Variants in ARHGEF10 observed in about 807,000 individuals in gnomAD.
ARHGEF10 encodes the protein Rho guanine nucleotide exchange factor 10, also known as Rho guanine nucleotide exchange factor (GEF) 10.
A neutral mutation model predicts 147.4 loss-of-function variants in ARHGEF10; 140 were observed. The ratio of observed to expected loss-of-function variants is 0.95; its 90% CI spans 0.83 to 1.09. The LOEUF (loss-of-function observed/expected upper bound fraction) is 1.09. ARHGEF10 is among the 50% of genes least tolerant of loss of function. ARHGEF10 has a pLI of 0.00. For missense variants in ARHGEF10, 2,222 were observed against 1,752.7 expected, an observed-to-expected ratio of 1.27 and a Z score of -4.78; for synonymous variants, 902 against 695.8, an observed-to-expected ratio of 1.30 and a Z score of -4.67.
chr8:1,862,330 C>A (rs1233717836), intron 4 of ARHGEF10, among the ~76,000 whole-genome samples: 1 of 152,274 alleles, frequency 6.6e-6, no homozygotes, highest in Non-Finnish European at 1.5e-5. Context: ...CCTGGAGCTC[C>A]CAGCTGGCCA....
At chr8:1,944,411 G>A (rs996808357) in intron 26 of ARHGEF10, among the ~76,000 whole-genome samples, 1 of 152,228 alleles carries the variant, frequency 6.6e-6, no homozygotes, top group Non-Finnish European at 1.5e-5. Flanking sequence ...CATGGGAGAA[G>A]GGATCTCCCA....
At position 1,929,506 on chromosome 8, in the gene ARHGEF10, G is replaced by A. The variant is rs143524918; in HGVS notation, c.3079+63G>A. 2,322 of 1,526,358 alleles carry A rather than the reference G, an allele frequency of 1.5e-3. 3 individuals are homozygous for A. Among genetic ancestry groups the A allele is most frequent in the Non-Finnish European group, 1.9e-3 (2,147 of 1,138,830 alleles). 94.6% of individuals were successfully genotyped at this position (1,526,358 alleles called of 1,614,324 possible). A position where few individuals can be genotyped will look rare whatever the true frequency, so the allele number is the denominator to read the frequency against. ...GGTTCACTCAGGGGACTGTGCATCC[G>A]GTTTAGCCTCCCCACCTCCCCACCG... On this transcript the variant is annotated intron_variant, in intron 25 of 28. Coordinates refer to ENST00000349830, the MANE Select transcript of ARHGEF10 (RefSeq NM_014629.4).
rs756054028 is a variant in ARHGEF10, at chr8:1,956,864, C to G, written c.3636C>G (p.Pro1212=). The change falls in exon 29 of 29, where the codon CCC becomes CCG. Residue 1212 remains proline, a synonymous_variant. Coordinates refer to ENST00000349830, the MANE Select transcript of ARHGEF10 (RefSeq NM_014629.4). The part of the protein sequence containing the change: ...DKSRDSLAPG[P]EPQDEDQKDA... ...CCAGGGACAGCCTGGCTCCTGGCCC[C>G]GAGCCTCAGGACGAAGACCAGAAGG... 2 of 1,614,002 alleles carry G rather than the reference C, an allele frequency of 1.2e-6. No individual in the cohort carries two copies. Among genetic ancestry groups the G allele is most frequent in the East Asian group, 4.5e-5 (2 of 44,870 alleles).
chr8:1,892,158 A>T (rs1031424445), intron 11 of ARHGEF10, among the ~76,000 whole-genome samples: 2 of 151,764 alleles, frequency 1.3e-5, no homozygotes, highest in African/African-American at 4.8e-5. Flanking sequence ...GGGTTTGATG[A>T]TGGGAGGGGT....
intron 4 of ARHGEF10, among the ~76,000 whole-genome samples, chr8:1,862,077 T>A (rs576943415): frequency 4.2e-4 from 64 of 152,362 alleles, no homozygotes; most frequent in African/African-American, 1.5e-3. Flanking sequence ...GGTTGCGTTT[T>A]GATCATTGAA....
intron 10 of ARHGEF10, among the ~76,000 whole-genome samples, chr8:1,885,049 G>T (rs1808540009): frequency 6.6e-6 from 1 of 152,186 alleles, no homozygotes; most frequent in African/African-American, 2.4e-5. Context: ...AGGGGAGTGA[G>T]CCACCCCACC....
At chr8:1,909,559 A>G (rs1811203157) in intron 18 of ARHGEF10, 89 bp downstream of exon 18, 2 of 1,549,236 alleles carry the variant, frequency 1.3e-6, no homozygotes, top group Admixed American at 1.9e-5. Flanking sequence ...AAGCTCCACC[A>G]TCAGCAGGTT....
At position 1,895,876 on chromosome 8, in the gene ARHGEF10, G is replaced by A. The variant is rs140940720; in HGVS notation, c.1441-457G>A. Among the ~76,000 whole-genome samples, 648 of 152,038 alleles carry A rather than the reference G, an allele frequency of 4.3e-3. 2 individuals are homozygous for A. The highest frequency in any genetic ancestry group is 0.015 in the African/African-American group (606 of 41,456). On this transcript the variant is annotated intron_variant, in intron 13 of 28. Transcript: ENST00000349830. The stretch of plus-strand genomic sequence containing the variant: ...ACACGTGTAGGGCATTGTATGTTAC[G>A]CCAGAGAAGCAGGATCAGCCCCCGC...
intron 1 of ARHGEF10, among the ~76,000 whole-genome samples, chr8:1,840,191 T>C (rs1189663030): frequency 7.9e-6 from 1 of 127,232 alleles, no homozygotes; most frequent in Non-Finnish European, 1.6e-5. Context: ...GGGGACTGTC[T>C]GGTGTGGAAG....
In ARHGEF10 at chr8:1,899,041, G is replaced by T. The variant is rs531774361; in HGVS notation, c.1650+516G>T. 6.6e-5 allele frequency among the ~76,000 whole-genome samples: 10 copies of T among 152,352 alleles called. No individual in the cohort carries two copies. In the East Asian group the frequency reaches 1.9e-3, roughly 29 times the overall value. ...ACCGAGGACAGGGAGATGCTGCGATGGTGAAAACACTGTCCACTGGACCCT... is the reference window on the plus strand; with the variant it reads ...ACCGAGGACAGGGAGATGCTGCGATTGTGAAAACACTGTCCACTGGACCCT... On this transcript the variant is annotated intron_variant, in intron 15 of 28. Coordinates refer to ENST00000349830, the MANE Select transcript of ARHGEF10 (RefSeq NM_014629.4).
intron 6 of ARHGEF10, among the ~76,000 whole-genome samples, chr8:1,867,140 A>T (rs1451260588): frequency 6.6e-6 from 1 of 152,108 alleles, no homozygotes; most frequent in Non-Finnish European, 1.5e-5. Flanking sequence ...CCTTTGGCAG[A>T]AACAACAGAT....
rs1563165641 is a variant in ARHGEF10 at position 1,844,434 on chromosome 8, G to GGTAGA, written c.37+998_37+999insGTAGA. Reference sequence around the variant, plus strand: ...GAGAATCCAGGGGTCACCGGGGCCTGCTGGACGACAGAGACGGGAGAATCC... The same window carrying GGTAGA: ...GAGAATCCAGGGGTCACCGGGGCCTGGTAGACTGGACGACAGAGACGGGAGAATCC... On this transcript the variant is annotated intron_variant, in intron 2 of 28. Transcript: ENST00000349830. Among the ~76,000 whole-genome samples, 73 of 150,722 alleles carry GGTAGA rather than the reference G, an allele frequency of 4.8e-4. 14 individuals carry two copies. The highest frequency in any genetic ancestry group is 1.4e-3 in the African/African-American group (58 of 40,830).
intron 25 of ARHGEF10, among the ~76,000 whole-genome samples, chr8:1,929,722 C>T (rs1812969314): frequency 6.6e-6 from 1 of 152,206 alleles, no homozygotes; most frequent in Non-Finnish European, 1.5e-5. Flanking sequence ...ATGGGGGCAC[C>T]GGGCCATGCA....
chr8:1,831,791 C>G (rs973788610), intron 1 of ARHGEF10, among the ~76,000 whole-genome samples: 4 of 152,246 alleles, frequency 2.6e-5, no homozygotes, highest in African/African-American at 9.6e-5. Context: ...GATGGAGTCA[C>G]TTTTCAGTGT....
intron 3 of ARHGEF10, among the ~76,000 whole-genome samples, chr8:1,858,973 CCT>C (rs1473930100): frequency 5.3e-5 from 8 of 151,882 alleles, no homozygotes. Context: ...GTAGCACCAG[CCT>C]CTCGGTTCTT....
intron 11 of ARHGEF10, among the ~76,000 whole-genome samples, chr8:1,888,041 G>GGTA (rs1808853063): frequency 7.1e-6 from 1 of 140,518 alleles, no homozygotes; most frequent in African/African-American, 2.7e-5. Context: ...TAGGGTGAGG[G>GGTA]TTGTTAGGAG....
At chr8:1,898,327 C>T in intron 14 of ARHGEF10, 106 bp from the exon 15 acceptor site, 2 of 977,388 alleles carry the variant, frequency 2.0e-6, no homozygotes, top group East Asian at 2.5e-5. Context: ...AAGGTGCAGG[C>T]TTTTGACTTT....
rs1229768694 is a variant in ARHGEF10, at chr8:1,889,074, G to T, written c.1182+3367G>T. Among the ~76,000 whole-genome samples, 3 of 106,418 alleles carry T rather than the reference G, an allele frequency of 2.8e-5. 1 individual carries two copies. The highest frequency in any genetic ancestry group is 1.1e-4 in the African/African-American group (3 of 26,344). The allele number at this position is 106,418 out of a possible 152,430, so 69.8% of individuals were successfully genotyped here. A position where few individuals can be genotyped will look rare whatever the true frequency, so the allele number is the denominator to read the frequency against. The stretch of plus-strand genomic sequence containing the variant: ...CGGGTCATGAGGAGACAGTGATTGG[G>T]GTGAGGGGTCCGTGAGGAGACACTG... On this transcript the variant is annotated intron_variant, in intron 11 of 28. Transcript: ENST00000349830.
rs1802585286 is a variant in ARHGEF10 at position 1,824,050 on chromosome 8, G to T, written c.-111G>T. The T allele has an allele frequency of 6.7e-6, 1 of 148,556 alleles. No individual in the cohort carries two copies. Among genetic ancestry groups the T allele is most frequent in the African/African-American group, 2.5e-5 (1 of 40,398 alleles). 9.2% of individuals were successfully genotyped at this position (148,556 alleles called of 1,614,324 possible). A position where few individuals can be genotyped will look rare whatever the true frequency, so the allele number is the denominator to read the frequency against. The stretch of plus-strand genomic sequence containing the variant: ...GGACGGCGGGGAACAGCGGGGGACG[G>T]CGGGGAACAGCGGGGGACGGCGGGG... On this transcript the variant is annotated 5_prime_UTR_variant, in exon 1 of 29. Coordinates refer to ENST00000349830, the MANE Select transcript of ARHGEF10 (RefSeq NM_014629.4).
Sources: allele counts gnomAD v4.1 joint callset (sites outside exome capture counted in the v4.1 genomes callset), GRCh38; gene constraint gnomAD v4.1.1; transcripts MANE v1.5; gene names NCBI Gene and HGNC (gene_info 2026-07-23, HGNC 2026-07-21).